THRB: variants seen among roughly 807,000 people sequenced by gnomAD.
THRB encodes the protein thyroid hormone receptor beta.
Under a neutral mutation model 47.8 loss-of-function variants are expected in THRB, and 12 were observed. The ratio of observed to expected loss-of-function variants is 0.25; its 90% CI spans 0.16 to 0.41. THRB has a LOEUF of 0.41. Among genes scored for constraint, THRB ranks in the 10% least tolerant of loss-of-function variants. The pLI, the probability that THRB is intolerant of heterozygous loss-of-function variation, is 1.00. For synonymous variants in THRB, 218 were observed against 212.2 expected (o/e 1.03, Z -0.24); for missense variants, 348 against 589.2 (o/e 0.59, Z 4.24).
At chr3:24,309,025 A>G (rs2057557712) in intron 2 of THRB, among the ~76,000 whole-genome samples, 1 of 151,958 alleles carries the variant, frequency 6.6e-6, no homozygotes, top group African/African-American at 2.4e-5. Flanking sequence ...GCTCTTCCCT[A>G]CCCTTTCCTC....
chr3:24,158,572 G>A (rs547517435), intron 5 of THRB, among the ~76,000 whole-genome samples: 1 of 152,132 alleles, frequency 6.6e-6, no homozygotes, highest in South Asian at 2.1e-4. Context: ...GGGATTACAG[G>A]TGCCTGCCAC....
intron 6 of THRB, among the ~76,000 whole-genome samples, chr3:24,148,443 G>T (rs926833524): frequency 6.6e-6 from 1 of 152,000 alleles, no homozygotes; most frequent in African/African-American, 2.4e-5. Context: ...TGTATTTTTA[G>T]TAGAGATGCG....
At chr3:24,208,321 C>A (rs1299774073) in intron 4 of THRB, among the ~76,000 whole-genome samples, 1 of 152,134 alleles carries the variant, frequency 6.6e-6, no homozygotes, top group Non-Finnish European at 1.5e-5. Flanking sequence ...CTACCAATGA[C>A]TTTCTTCACA....
At chr3:24,340,400 TTCTCTCTCTCTC>T (rs145048631) in intron 1 of THRB, among the ~76,000 whole-genome samples, 1 of 148,594 alleles carries the variant, frequency 6.7e-6, no homozygotes, top group African/African-American at 2.5e-5. Flanking sequence ...CCACCTTCTT[TTCTCTCTCTCTC>T]TCTCTCTCTC....
chr3:24,158,151 T>G (rs895336456), intron 5 of THRB, among the ~76,000 whole-genome samples: 2 of 152,138 alleles, frequency 1.3e-5, no homozygotes, highest in African/African-American at 4.8e-5. Flanking sequence ...ACAGAATTCT[T>G]GCTTCATGTG....
intron 3 of THRB, among the ~76,000 whole-genome samples, chr3:24,235,585 A>T (rs1307762172): frequency 1.3e-5 from 2 of 152,142 alleles, no homozygotes; most frequent in African/African-American, 2.4e-5. Flanking sequence ...CTTCATGGGC[A>T]GCCCAGAAAA....
chr3:24,412,101 A>C (rs2068357940), intron 1 of THRB, among the ~76,000 whole-genome samples: 1 of 151,886 alleles, frequency 6.6e-6, no homozygotes, highest in Admixed American at 6.6e-5. Context: ...AAAAAATATT[A>C]GTGCTAATTT....
intron 5 of THRB, 119 bp downstream of exon 5, chr3:24,189,955 G>T: frequency 1.0e-6 from 1 of 970,232 alleles, no homozygotes; most frequent in Non-Finnish European, 1.6e-6. Flanking sequence ...AAGAACAGTT[G>T]GAGAAAACAT....
chr3:24,170,443 T>C (rs941065310), intron 5 of THRB, among the ~76,000 whole-genome samples: 9 of 152,152 alleles, frequency 5.9e-5, no homozygotes, highest in African/African-American at 1.9e-4. Flanking sequence ...AGGCTGCAAA[T>C]CAGATAATGT....
At chr3:24,233,015 G>A (rs1230585166) in intron 3 of THRB, among the ~76,000 whole-genome samples, 5 of 152,168 alleles carry the variant, frequency 3.3e-5, no homozygotes, top group Admixed American at 2.0e-4. Context: ...AATCATGCAG[G>A]TGGAGCCTTC....
chr3:24,390,628 C>G (rs1372925620), intron 1 of THRB, among the ~76,000 whole-genome samples: 1 of 151,876 alleles, frequency 6.6e-6, no homozygotes, highest in African/African-American at 2.4e-5. Context: ...TAAGTCAACA[C>G]TTGGTAGCTT....
chr3:24,453,423 T>C (rs1250364266), intron 1 of THRB, among the ~76,000 whole-genome samples: 1 of 152,186 alleles, frequency 6.6e-6, no homozygotes, highest in African/African-American at 2.4e-5. Context: ...CACACACTTT[T>C]AGCCATGACA....
chr3:24,188,613 C>T (rs1377463973), intron 5 of THRB, among the ~76,000 whole-genome samples: 1 of 151,910 alleles, frequency 6.6e-6, no homozygotes, highest in East Asian at 1.9e-4. Flanking sequence ...CACAAGGATG[C>T]TAGAGTTTTC....
chr3:24,234,594 A>G (rs1223994958), intron 3 of THRB, among the ~76,000 whole-genome samples: 1 of 152,212 alleles, frequency 6.6e-6, no homozygotes, highest in African/African-American at 2.4e-5. Context: ...AGATCATTCA[A>G]GATGAATTAC....
chr3:24,453,642 G>A (rs965311771), intron 1 of THRB, among the ~76,000 whole-genome samples: 3 of 152,108 alleles, frequency 2.0e-5, no homozygotes, highest in Non-Finnish European at 4.4e-5. Context: ...ATTGGATCAC[G>A]CCATTTCCGC....
intron 1 of THRB, among the ~76,000 whole-genome samples, chr3:24,386,251 A>G (rs2066094288): frequency 6.6e-6 from 1 of 152,072 alleles, no homozygotes; most frequent in Non-Finnish European, 1.5e-5. Flanking sequence ...AGCCAAGGCA[A>G]CAATCAAATT....
intron 1 of THRB, among the ~76,000 whole-genome samples, chr3:24,375,215 T>A (rs986621044): frequency 6.6e-5 from 10 of 151,326 alleles, no homozygotes; most frequent in Non-Finnish European, 1.2e-4. Flanking sequence ...ATACACTATC[T>A]TTTAAATTAC....
At chr3:24,228,891 G>C in intron 4 of THRB, 47 bp downstream of exon 4, 1 of 1,564,128 alleles carries the variant, frequency 6.4e-7, no homozygotes, top group Non-Finnish European at 8.7e-7. Context: ...ACTCTAGGTG[G>C]AACAAAAATG....
intron 1 of THRB, among the ~76,000 whole-genome samples, chr3:24,387,869 C>G (rs1319794687): frequency 6.6e-6 from 1 of 151,790 alleles, no homozygotes; most frequent in African/African-American, 2.4e-5. Flanking sequence ...GGGAAAGAGA[C>G]AGGCCCAGAG....
Sources: gnomAD v4.1 joint callset for allele counts (sites outside exome capture counted in the v4.1 genomes callset) on GRCh38, gnomAD v4.1.1 for gene constraint, MANE v1.5 for transcripts, NCBI Gene and HGNC (gene_info 2026-07-23, HGNC 2026-07-21) for gene names.